The following MACROD2 variants were observed in gnomAD, a reference collection of about 807,000 sequenced individuals.
MACROD2 encodes the protein ADP-ribose glycohydrolase MACROD2.
MACROD2 carries 36 observed loss-of-function variants against 70.4 expected under a neutral mutation model. The observed-to-expected ratio is 0.51, with a 90% CI of 0.39 to 0.68. The LOEUF (loss-of-function observed/expected upper bound fraction) is 0.68. Among genes scored for constraint, MACROD2 ranks in the 30% least tolerant of loss-of-function variants. The pLI is 0.00. For missense variants in MACROD2, 496 were observed against 538.4 expected, an observed-to-expected ratio of 0.92 and a Z score of 0.78; for synonymous variants, 172 against 178.8, an observed-to-expected ratio of 0.96 and a Z score of 0.30.
At chr20:15,356,694 G>T (rs182906792) in intron 6 of MACROD2, among the ~76,000 whole-genome samples, 134 of 152,284 alleles carry the variant, frequency 8.8e-4, no homozygotes, top group Middle Eastern at 3.4e-3. Context: ...TGAGGCATGA[G>T]AATCACTTGA....
At chr20:15,340,130 C>CTTTTTTTTTT (rs869080087) in intron 6 of MACROD2, among the ~76,000 whole-genome samples, 19 of 39,288 alleles carry the variant, frequency 4.8e-4, no homozygotes, top group Admixed American at 8.8e-4. Context: ...TTCTTTCTTT[C>CTTTTTTTTTT]TTTTTTTTTT....
At chr20:15,719,824 G>C (rs2050760975) in intron 8 of MACROD2, among the ~76,000 whole-genome samples, 1 of 152,064 alleles carries the variant, frequency 6.6e-6, no homozygotes, top group Admixed American at 6.6e-5. Context: ...CTCTCTTCTA[G>C]CTATTTTCAC....
At chr20:15,500,158 A>G (rs2047347200) in intron 8 of MACROD2, among the ~76,000 whole-genome samples, 2 of 152,192 alleles carry the variant, frequency 1.3e-5, no homozygotes, top group Admixed American at 6.5e-5. Context: ...ATTAAGAATA[A>G]GGAGTTTTCC....
intron 3 of MACROD2, among the ~76,000 whole-genome samples, chr20:14,264,604 C>T (rs1200015723): frequency 6.6e-6 from 1 of 152,102 alleles, no homozygotes; most frequent in East Asian, 1.9e-4. Context: ...TGATATGTGT[C>T]TCTAAGAGCA....
chr20:14,271,543 A>G (rs965769321), intron 3 of MACROD2, among the ~76,000 whole-genome samples: 1 of 147,196 alleles, frequency 6.8e-6, no homozygotes, highest in East Asian at 2.1e-4. Flanking sequence ...AAAGATGGGG[A>G]AAAAACAGAG....
chr20:15,018,888 A>T (rs1568533106), intron 5 of MACROD2, among the ~76,000 whole-genome samples: 1 of 152,202 alleles, frequency 6.6e-6, no homozygotes, highest in Non-Finnish European at 1.5e-5. Flanking sequence ...ACACCATGTG[A>T]CATGCCTGTT....
chr20:14,123,718 G>GA (rs2054612312), intron 3 of MACROD2, among the ~76,000 whole-genome samples: 1 of 152,132 alleles, frequency 6.6e-6, no homozygotes, highest in South Asian at 2.1e-4. Context: ...AAAGGTTGAT[G>GA]AATGTCAGTG....
rs557483183 is a variant in MACROD2, at chr20:14,891,487, G to A, written c.418+206528G>A. Among the ~76,000 whole-genome samples the A allele has an allele frequency of 1.4e-4, 21 of 152,216 alleles. No individual in the cohort carries two copies. The East Asian group carries it at 4.1e-3, about 29-fold the overall frequency. ...TCCCTAACAAGATAATAAATTCTTG[G>A]AAGATAACAACCAGACCTTCTATTT... On this transcript the variant is annotated intron_variant, in intron 5 of 17. Coordinates refer to ENST00000684519, the MANE Select transcript of MACROD2 (RefSeq NM_001351661.2).
At chr20:15,402,735 C>T (rs2045947148) in intron 6 of MACROD2, among the ~76,000 whole-genome samples, 1 of 152,144 alleles carries the variant, frequency 6.6e-6, no homozygotes, top group Non-Finnish European at 1.5e-5. Context: ...CATATGTGTC[C>T]TTCTCCGTTG....
At chr20:15,394,031 A>C (rs773885229) in intron 6 of MACROD2, among the ~76,000 whole-genome samples, 2 of 152,196 alleles carry the variant, frequency 1.3e-5, no homozygotes, top group Non-Finnish European at 2.9e-5. Flanking sequence ...TTTAAAGGGG[A>C]AACTTCTGGG....
At chr20:15,257,905 G>A (rs1195724366) in intron 6 of MACROD2, among the ~76,000 whole-genome samples, 3 of 152,044 alleles carry the variant, frequency 2.0e-5, no homozygotes, top group East Asian at 3.9e-4. Flanking sequence ...AGCTCCCTGC[G>A]TGTTATTGCC....
intron 5 of MACROD2, among the ~76,000 whole-genome samples, chr20:15,189,505 G>A (rs2076556210): frequency 6.6e-6 from 1 of 152,038 alleles, no homozygotes; most frequent in Non-Finnish European, 1.5e-5. Flanking sequence ...GGTTAACTCA[G>A]CATGTTTTAT....
chr20:14,302,765 G>A (rs1405174970), intron 3 of MACROD2, among the ~76,000 whole-genome samples: 3 of 151,640 alleles, frequency 2.0e-5, no homozygotes, highest in Non-Finnish European at 2.9e-5. Context: ...AAATGATTCT[G>A]TTTCAGCCTC....
chr20:15,387,989 C>T (rs1420050869), intron 6 of MACROD2, among the ~76,000 whole-genome samples: 9 of 152,076 alleles, frequency 5.9e-5, no homozygotes, highest in East Asian at 5.8e-4. Context: ...GGGCTCAAGC[C>T]GTCTTCCTGT....
chr20:15,309,990 G>C (rs1320601136), intron 6 of MACROD2, among the ~76,000 whole-genome samples: 2 of 152,210 alleles, frequency 1.3e-5, no homozygotes, highest in African/African-American at 4.8e-5. Context: ...TAGTTAGGTA[G>C]AGTGTAGAAT....
intron 6 of MACROD2, among the ~76,000 whole-genome samples, chr20:15,377,155 G>T (rs1269049594): frequency 2.0e-5 from 3 of 152,118 alleles, no homozygotes; most frequent in African/African-American, 7.2e-5. Flanking sequence ...CTCCCAAAGT[G>T]CAGGGATTAC....
chr20:14,340,500 G>T (rs1440144508), intron 3 of MACROD2, among the ~76,000 whole-genome samples: 1 of 151,352 alleles, frequency 6.6e-6, no homozygotes, highest in East Asian at 1.9e-4. Flanking sequence ...ACAGATTTTT[G>T]GAATTTTTCA....
intron 3 of MACROD2, among the ~76,000 whole-genome samples, chr20:14,403,253 C>T (rs1321002211): frequency 2.0e-5 from 3 of 152,058 alleles, no homozygotes; most frequent in Non-Finnish European, 4.4e-5. Context: ...ACTGACATTG[C>T]CATGTCACTG....
At chr20:14,060,502 A>T (rs965209937) in intron 2 of MACROD2, among the ~76,000 whole-genome samples, 2 of 152,146 alleles carry the variant, frequency 1.3e-5, no homozygotes, top group Non-Finnish European at 1.5e-5. Flanking sequence ...AAAGTCAAGG[A>T]AACATTGAGA....
Sources: gnomAD v4.1 joint callset for allele counts (sites outside exome capture counted in the v4.1 genomes callset) on GRCh38, gnomAD v4.1.1 for gene constraint, MANE v1.5 for transcripts, NCBI Gene and HGNC (gene_info 2026-07-23, HGNC 2026-07-21) for gene names.